KCNIP1: variants seen among roughly 807,000 people sequenced by gnomAD.
KCNIP1 encodes A-type potassium channel modulatory protein KCNIP1.
A neutral mutation model predicts 33.0 loss-of-function variants in KCNIP1; 18 were observed. The ratio of observed to expected loss-of-function variants is 0.55; its 90% CI spans 0.38 to 0.81. KCNIP1 has a LOEUF of 0.81. KCNIP1 is among the 30% of genes least tolerant of loss of function. The pLI is 0.00. For missense variants in KCNIP1, 238 were observed against 271.6 expected (o/e 0.88, Z 0.87); for synonymous variants, 93 against 98.3 (o/e 0.95, Z 0.32).
intron 1 of KCNIP1, among the ~76,000 whole-genome samples, chr5:170,366,382 C>A (rs995878629): frequency 3.3e-5 from 5 of 152,204 alleles, no homozygotes; most frequent in African/African-American, 1.2e-4. Context: ...CCTGAGGACA[C>A]CACCCTGGAA....
intron 1 of KCNIP1, among the ~76,000 whole-genome samples, chr5:170,368,599 T>C (rs1171353769): frequency 6.6e-6 from 1 of 152,206 alleles, no homozygotes; most frequent in Non-Finnish European, 1.5e-5. Flanking sequence ...ATTTTCTGAA[T>C]TGTCTTCAAT....
intron 1 of KCNIP1, among the ~76,000 whole-genome samples, chr5:170,507,736 T>C (rs1754772226): frequency 6.6e-6 from 1 of 152,228 alleles, no homozygotes; most frequent in African/African-American, 2.4e-5. Context: ...TGCAAGAAGA[T>C]ATCCAGCCCA....
chr5:170,599,519 A>G (rs1342661736), intron 1 of KCNIP1, among the ~76,000 whole-genome samples: 1 of 152,148 alleles, frequency 6.6e-6, no homozygotes, highest in Non-Finnish European at 1.5e-5. Context: ...AATCAAGTAG[A>G]GCCTTTCTGG....
chr5:170,621,024 T>C (rs1759580397), intron 1 of KCNIP1, among the ~76,000 whole-genome samples: 1 of 152,124 alleles, frequency 6.6e-6, no homozygotes, highest in Non-Finnish European at 1.5e-5. Flanking sequence ...GCAGGGAAGC[T>C]GGAGAAAAAG....
chr5:170,383,847 C>T (rs757810542), intron 1 of KCNIP1: 2 of 1,613,922 alleles, frequency 1.2e-6, no homozygotes, highest in South Asian at 1.1e-5. Context: ...CCTGGGTCCA[C>T]ACGCTGAGGA....
rs189238897 is a variant in KCNIP1, at chr5:170,646,319, G to A, written c.62-72439G>A. Among the ~76,000 whole-genome samples the A allele has an allele frequency of 1.9e-3, 287 of 152,262 alleles. 1 individual carries two copies. Among genetic ancestry groups the A allele is most frequent in the African/African-American group, 6.5e-3 (269 of 41,554 alleles). ...AAAACTACAGACTAATATCTCTCAT[G>A]AACATAGATGCAAAAATTCTCAACA... On this transcript the variant is annotated intron_variant, in intron 1 of 7. Coordinates refer to ENST00000328939, the MANE Select transcript of KCNIP1 (RefSeq NM_014592.4).
chr5:170,580,054 C>G (rs1230673895), intron 1 of KCNIP1, among the ~76,000 whole-genome samples: 1 of 151,884 alleles, frequency 6.6e-6, no homozygotes, highest in Non-Finnish European at 1.5e-5. Flanking sequence ...CTTCTCTGTT[C>G]TAAATTTGAT....
intron 1 of KCNIP1, among the ~76,000 whole-genome samples, chr5:170,532,537 C>T (rs1176790035): frequency 6.6e-6 from 1 of 152,182 alleles, no homozygotes; most frequent in Non-Finnish European, 1.5e-5. Flanking sequence ...CTCTCTTTCT[C>T]TCTCTCTCTA....
chr5:170,467,720 C>G (rs1561639316), intron 1 of KCNIP1, among the ~76,000 whole-genome samples: 1 of 152,082 alleles, frequency 6.6e-6, no homozygotes, highest in East Asian at 1.9e-4. Context: ...GAGTTAGAGA[C>G]CAGCCTGATC....
chr5:170,485,545 T>C (rs1269763262), intron 1 of KCNIP1, among the ~76,000 whole-genome samples: 1 of 152,160 alleles, frequency 6.6e-6, no homozygotes, highest in Non-Finnish European at 1.5e-5. Context: ...TAAACCCTAT[T>C]CTGCGAAGTG....
chr5:170,565,853 A>T (rs1021978444), intron 1 of KCNIP1, among the ~76,000 whole-genome samples: 1 of 152,210 alleles, frequency 6.6e-6, no homozygotes, highest in African/African-American at 2.4e-5. Flanking sequence ...AAATCCAAGC[A>T]CCTCATCTTC....
intron 1 of KCNIP1, among the ~76,000 whole-genome samples, chr5:170,610,529 A>G (rs1759104126): frequency 6.6e-6 from 1 of 152,208 alleles, no homozygotes; most frequent in Non-Finnish European, 1.5e-5. Context: ...ATATCCCAGC[A>G]TTGCTGTTAG....
chr5:170,452,113 G>T (rs1021777316), intron 1 of KCNIP1, among the ~76,000 whole-genome samples: 2 of 152,166 alleles, frequency 1.3e-5, no homozygotes, highest in African/African-American at 4.8e-5. Context: ...AACGTGGTTG[G>T]TGGCATTGGG....
intron 1 of KCNIP1, among the ~76,000 whole-genome samples, chr5:170,413,553 A>G (rs909016515): frequency 2.0e-5 from 3 of 152,130 alleles, no homozygotes; most frequent in African/African-American, 7.2e-5. Flanking sequence ...CAAGATGGGA[A>G]TGGTACCAGT....
chr5:170,697,619 G>A (rs1186715082), intron 1 of KCNIP1, among the ~76,000 whole-genome samples: 6 of 152,182 alleles, frequency 3.9e-5, no homozygotes, highest in Admixed American at 3.9e-4. Context: ...AACCCCATCT[G>A]TCTGGCTGCA....
intron 1 of KCNIP1, among the ~76,000 whole-genome samples, chr5:170,482,092 G>A (rs1174402932): frequency 6.6e-6 from 1 of 152,190 alleles, no homozygotes; most frequent in Admixed American, 6.5e-5. Flanking sequence ...CTTAAACCAA[G>A]CCAGCCATGT....
rs184622363 is a variant in KCNIP1, at chr5:170,519,093, G to C, written c.61+14460G>C. On this transcript the variant is annotated intron_variant, in intron 1 of 7. Transcript: ENST00000328939. ...GAATAATCTCGCACCAGCATTATAA[G>C]GTTCTCATGGTTTTTAGGGGTGTGG... Among the ~76,000 whole-genome samples the C allele has an allele frequency of 2.9e-3, 438 of 152,292 alleles. 2 individuals carry two copies. Among genetic ancestry groups the C allele is most frequent in the African/African-American group, 0.01 (425 of 41,558 alleles).
chr5:170,681,772 C>A lies in KCNIP1; in HGVS notation c.62-36986C>A, dbSNP rs190913171. 1.5e-3 allele frequency among the ~76,000 whole-genome samples: 233 copies of A among 152,292 alleles called. 1 individual carries two copies. Among genetic ancestry groups the A allele is most frequent in the African/African-American group, 5.2e-3 (218 of 41,568 alleles). On this transcript the variant is annotated intron_variant, in intron 1 of 7. Transcript: ENST00000328939. Reference sequence around the variant, plus strand: ...GAATGGGGTTATAAATCCAGGTTAACCCGATTGTTTAGGATTAGAAAGTGA... The same window carrying A: ...GAATGGGGTTATAAATCCAGGTTAAACCGATTGTTTAGGATTAGAAAGTGA...
At chr5:170,626,358 C>T (rs4868001) in intron 1 of KCNIP1, among the ~76,000 whole-genome samples, 30,600 of 152,098 alleles carry the variant, frequency 0.2, 3,423 homozygotes, top group African/African-American at 0.28. Context: ...TTGCAGACTC[C>T]AGTATCTTGG....
Sources: gnomAD v4.1 joint callset for allele counts (sites outside exome capture counted in the v4.1 genomes callset) on GRCh38, gnomAD v4.1.1 for gene constraint, MANE v1.5 for transcripts, NCBI Gene and HGNC (gene_info 2026-07-23, HGNC 2026-07-21) for gene names.